Variants in PLAGL1 observed in about 807,000 individuals in gnomAD.
The protein encoded by PLAGL1 is PLAG1 like zinc finger 1, also known as zinc finger protein PLAGL1.
In PLAGL1, 1 loss-of-function variant was observed where a neutral mutation model predicts 4.6. That is an observed-to-expected ratio of 0.22 (90% CI 0.08 to 1.03). PLAGL1 has a LOEUF of 1.03. Ranked by LOEUF, PLAGL1 falls within the 50% of genes least tolerant of loss-of-function variation. PLAGL1 has a pLI of 0.58. For synonymous variants in PLAGL1, 240 were observed against 237.8 expected, an observed-to-expected ratio of 1.01 and a Z score of -0.08; for missense variants, 464 against 570.4, an observed-to-expected ratio of 0.81 and a Z score of 1.90.
Position 143,982,625 on chromosome 6 carries a change from C to T in PLAGL1, c.-544+2510G>A, listed in dbSNP as rs1429707899. Among the ~76,000 whole-genome samples, 2 of 152,134 alleles carry T rather than the reference C, an allele frequency of 1.3e-5. No individual in the cohort carries two copies. Among genetic ancestry groups the T allele is most frequent in the Non-Finnish European group, 2.9e-5 (2 of 68,016 alleles). ...TACTCTTATAAAGAGATGATGAAGGCGTGCACCAGTGCAGTAGCAGAAGAG... is the reference window on the plus strand; with the variant it reads ...TACTCTTATAAAGAGATGATGAAGGTGTGCACCAGTGCAGTAGCAGAAGAG... On this transcript the variant is annotated intron_variant, in intron 2 of 7. Coordinates refer to ENST00000674357, the MANE Select transcript of PLAGL1 (RefSeq NM_001317162.2). This position sits in a 1 kb window ranked among gnomAD's most constrained non-coding sequence, Gnocchi z 5.3.
chr6:144,061,846 T>C lies in PLAGL1; in HGVS notation c.-151+2622A>G, dbSNP rs9484840. Among the ~76,000 whole-genome samples, 39,936 of 151,238 alleles carry C rather than the reference T, an allele frequency of 0.26. 6,850 individuals carry two copies. The highest frequency in any genetic ancestry group is 0.49 in the East Asian group (2,531 of 5,128). ...CTCTTACGATTTTCCTTTTGTGCAC[T>C]TCTCCTCTGTTGTCATTCCAACCTT... On this transcript the variant is annotated intron_variant, in intron 1 of 3. Transcript: ENST00000437412. The surrounding 1 kb of genome is among the most constrained non-coding windows in gnomAD (Gnocchi z 4.4).
chr6:144,049,881 G>A (rs1583882520), intron 1 of PLAGL1, among the ~76,000 whole-genome samples: 1 of 152,182 alleles, frequency 6.6e-6, no homozygotes, highest in South Asian at 2.1e-4. Context: ...CCTTCGTGCT[G>A]CGTAGCTTCT....
chr6:144,021,140 A>G (rs964078801), intron 1 of PLAGL1, among the ~76,000 whole-genome samples: 7 of 152,060 alleles, frequency 4.6e-5, no homozygotes, highest in Admixed American at 6.6e-5. Flanking sequence ...GGCATAATGT[A>G]GAGCACAGAA....
Position 144,004,596 on chromosome 6 carries a change from A to G in PLAGL1, c.-584+3494T>C, listed in dbSNP as rs1793748619. Among the ~76,000 whole-genome samples the G allele has an allele frequency of 6.6e-6, 1 of 152,214 alleles. No individual in the cohort carries two copies. Among genetic ancestry groups the G allele is most frequent in the South Asian group, 2.1e-4 (1 of 4,826 alleles). On this transcript the variant is annotated intron_variant, in intron 1 of 7. Coordinates refer to ENST00000674357, the MANE Select transcript of PLAGL1 (RefSeq NM_001317162.2). The surrounding 1 kb of genome is among the most constrained non-coding windows in gnomAD (Gnocchi z 4.2). ...TTGACTGGGGGAAGCGAGTGGCTCCATTGATAGGAAGGGGCAGAAGGAATG... is the reference window on the plus strand; with the variant it reads ...TTGACTGGGGGAAGCGAGTGGCTCCGTTGATAGGAAGGGGCAGAAGGAATG...
Position 144,048,155 on chromosome 6 carries a change from C to T in PLAGL1, c.-151+16313G>A, listed in dbSNP as rs1053382947. On this transcript the variant is annotated intron_variant, in intron 1 of 3. Transcript: ENST00000437412. The surrounding 1 kb of genome is among the most constrained non-coding windows in gnomAD (Gnocchi z 4.8). Reference sequence around the variant, plus strand: ...GTATGCTGATGCAAGAAGTGGGCTCCCACGGTCTTGGGCAGCTCTGCCTCT... The same window carrying T: ...GTATGCTGATGCAAGAAGTGGGCTCTCACGGTCTTGGGCAGCTCTGCCTCT... Among the ~76,000 whole-genome samples, 1 of 152,228 alleles carries T rather than the reference C, an allele frequency of 6.6e-6. No individual in the cohort carries two copies. The highest frequency in any genetic ancestry group is 1.5e-5 in the Non-Finnish European group (1 of 68,044).
rs1301422516 is a variant in PLAGL1 at position 143,962,814 on chromosome 6, G to A, written c.-399+1973C>T. Among the ~76,000 whole-genome samples, 1 of 152,200 alleles carries A rather than the reference G, an allele frequency of 6.6e-6. No individual in the cohort carries two copies. ...TTTTTATTTCTAATGATTTGAGTGG[G>A]AAAGAATTGGGCAACCCTCAAACAC... On this transcript the variant is annotated intron_variant, in intron 5 of 7. Coordinates refer to ENST00000674357, the MANE Select transcript of PLAGL1 (RefSeq NM_001317162.2). The surrounding 1 kb of genome is among the most constrained non-coding windows in gnomAD (Gnocchi z 5.3).
In PLAGL1 at chr6:144,055,236, G is replaced by A. The variant is rs568861335; in HGVS notation, c.-151+9232C>T. Among the ~76,000 whole-genome samples the A allele has an allele frequency of 2.6e-5, 4 of 152,184 alleles. No individual in the cohort carries two copies. The highest frequency in any genetic ancestry group is 2.1e-4 in the South Asian group (1 of 4,820). On this transcript the variant is annotated intron_variant, in intron 1 of 3. Coordinates refer to the PLAGL1 transcript ENST00000437412. The surrounding 1 kb of genome is among the most constrained non-coding windows in gnomAD (Gnocchi z 5.0). ...ACTTACCCAGAAACACAGTGTGTTC[G>A]ACAGAGAAGAAAGCTTACCGAGTGC...
rs1407367848 is a variant in PLAGL1, at chr6:144,015,822, G to A, written c.-150-46844C>T. 2.0e-5 allele frequency among the ~76,000 whole-genome samples: 3 copies of A among 152,184 alleles called. No homozygotes were observed. The highest frequency in any genetic ancestry group is 7.2e-5 in the African/African-American group (3 of 41,428). On this transcript the variant is annotated intron_variant, in intron 1 of 3. Transcript: ENST00000437412. The surrounding 1 kb of genome is among the most constrained non-coding windows in gnomAD (Gnocchi z 4.3). ...AGCCACTTTGGAAAACAGTTTGAAA[G>A]TTTCTTATAAAGTTAAACATACTCT...
intron 1 of PLAGL1, among the ~76,000 whole-genome samples, chr6:144,020,887 T>C (rs1795933150): frequency 6.8e-6 from 1 of 146,744 alleles, no homozygotes; most frequent in East Asian, 2.0e-4. Flanking sequence ...GTATAATTTA[T>C]ATAATTTATA....
At chr6:144,035,282 G>C (rs1283036806) in intron 1 of PLAGL1, among the ~76,000 whole-genome samples, 5 of 152,328 alleles carry the variant, frequency 3.3e-5, no homozygotes, top group Admixed American at 6.5e-5. Context: ...AAAACTCAAA[G>C]ATAGGGAAGC....
At chr6:143,980,146 T>G (rs1371275625) in intron 2 of PLAGL1, among the ~76,000 whole-genome samples, 3 of 152,148 alleles carry the variant, frequency 2.0e-5, no homozygotes, top group African/African-American at 7.2e-5. Flanking sequence ...CTGTCTTTAC[T>G]ACTGGTTTTA....
rs532813701 is a variant in PLAGL1, at chr6:144,020,519, C to T, written c.-151+43949G>A. ...GGCCAGGCTGGTCTCGAACTCCTGACCTTGTATCCACCCACCTCGGCCTTC... is the reference window on the plus strand; with the variant it reads ...GGCCAGGCTGGTCTCGAACTCCTGATCTTGTATCCACCCACCTCGGCCTTC... On this transcript the variant is annotated intron_variant, in intron 1 of 3. Transcript: ENST00000437412. Among the ~76,000 whole-genome samples, 98 of 152,118 alleles carry T rather than the reference C, an allele frequency of 6.4e-4. 1 individual carries two copies. The South Asian group carries it at 0.011, about 17-fold the overall frequency.
rs1402765524 is a variant in PLAGL1 at position 143,959,462 on chromosome 6, G to T, written c.-325+1007C>A. On this transcript the variant is annotated intron_variant, in intron 6 of 7. Coordinates refer to ENST00000674357, the MANE Select transcript of PLAGL1 (RefSeq NM_001317162.2). The surrounding 1 kb of genome is among the most constrained non-coding windows in gnomAD (Gnocchi z 5.3). Reference sequence around the variant, plus strand: ...CCAACTCCCAGCCCTAACTAGAACTGCTAGGTCCTAGTAGATATGTTGGCC... The same window carrying T: ...CCAACTCCCAGCCCTAACTAGAACTTCTAGGTCCTAGTAGATATGTTGGCC... 6.6e-6 allele frequency among the ~76,000 whole-genome samples: 1 copy of T among 152,094 alleles called. No individual in the cohort carries two copies. Among genetic ancestry groups the T allele is most frequent in the Non-Finnish European group, 1.5e-5 (1 of 68,010 alleles).
chr6:143,982,616 T>C lies in PLAGL1; in HGVS notation c.-544+2519A>G, dbSNP rs145567569. ...TTAGAAGGCTACTCTTATAAAGAGA[T>C]GATGAAGGCGTGCACCAGTGCAGTA... On this transcript the variant is annotated intron_variant, in intron 2 of 7. Transcript: ENST00000674357. This position sits in a 1 kb window ranked among gnomAD's most constrained non-coding sequence, Gnocchi z 5.3. Among the ~76,000 whole-genome samples the C allele has an allele frequency of 4.4e-3, 673 of 152,274 alleles. 3 individuals are homozygous for C. The highest frequency in any genetic ancestry group is 0.015 in the African/African-American group (639 of 41,566).
At chr6:143,987,666 G>A (rs1302491015) in intron 1 of PLAGL1, among the ~76,000 whole-genome samples, 3 of 151,946 alleles carry the variant, frequency 2.0e-5, no homozygotes, top group Admixed American at 6.6e-5. Flanking sequence ...CCAGCTGTCC[G>A]TGGCTGGGCC....
In PLAGL1 at chr6:143,947,850, G is replaced by A. The variant is rs1340461617; in HGVS notation, c.152+135C>T. 6.1e-6 allele frequency: 4 copies of A among 655,890 alleles called. No homozygotes were observed. The highest frequency in any genetic ancestry group is 1.8e-5 in the African/African-American group (1 of 55,094). 40.6% of individuals were successfully genotyped at this position (655,890 alleles called of 1,614,324 possible). A position where few individuals can be genotyped will look rare whatever the true frequency, so the allele number is the denominator to read the frequency against. On this transcript the variant is annotated intron_variant, in intron 7 of 7. Coordinates refer to ENST00000674357, the MANE Select transcript of PLAGL1 (RefSeq NM_001317162.2). This position sits in a 1 kb window ranked among gnomAD's most constrained non-coding sequence, Gnocchi z 4.3. ...AAAACCACAGGAATCACTGGATGCA[G>A]ATTTCAAGAATCCCTCAAAGGCTAA...
intron 1 of PLAGL1, among the ~76,000 whole-genome samples, chr6:144,041,068 T>C (rs1382434799): frequency 1.3e-5 from 2 of 152,072 alleles, no homozygotes; most frequent in African/African-American, 4.8e-5. Context: ...TGCAGACATA[T>C]GAGCTGAGGG....
rs963019044 is a variant in PLAGL1 at position 144,013,822 on chromosome 6, A to G, written c.-150-44844T>C. 6.6e-6 allele frequency among the ~76,000 whole-genome samples: 1 copy of G among 152,298 alleles called. No individual in the cohort carries two copies. The highest frequency in any genetic ancestry group is 3.4e-3 in the Middle Eastern group (1 of 294). ...ACTTAGGACTCACTGAAATAACTGA[A>G]GGTGGTCTCCTCATTTCAAGATCCG... is the stretch of plus-strand genomic sequence containing the variant. On this transcript the variant is annotated intron_variant, in intron 1 of 3. Coordinates refer to the PLAGL1 transcript ENST00000437412. This position sits in a 1 kb window ranked among gnomAD's most constrained non-coding sequence, Gnocchi z 4.4.
At chr6:143,946,202 A>C (rs1253957555) in intron 7 of PLAGL1, among the ~76,000 whole-genome samples, 2 of 152,240 alleles carry the variant, frequency 1.3e-5, no homozygotes, top group East Asian at 3.8e-4. Flanking sequence ...TGGTTGAAAA[A>C]TATTTGTGTA....
Sources: allele counts gnomAD v4.1 joint callset (sites outside exome capture counted in the v4.1 genomes callset), GRCh38; gene constraint gnomAD v4.1.1; non-coding constraint Gnocchi (gnomAD v3.1); transcripts MANE v1.5; gene names NCBI Gene and HGNC (gene_info 2026-07-23, HGNC 2026-07-21).